Variants in PTPRR observed in about 807,000 individuals in gnomAD.
The protein encoded by PTPRR is receptor-type tyrosine-protein phosphatase R.
PTPRR carries 38 observed loss-of-function variants against 77.2 expected under a neutral mutation model. The ratio of observed to expected loss-of-function variants is 0.49; its 90% confidence interval spans 0.38 to 0.65. PTPRR has a LOEUF of 0.65. PTPRR is among the 30% of genes least tolerant of loss of function. The pLI is 0.00. For missense variants in PTPRR, 744 were observed against 799.2 expected, an observed-to-expected ratio of 0.93 and a Z score of 0.83; for synonymous variants, 299 against 283.1, an observed-to-expected ratio of 1.06 and a Z score of -0.57.
intron 8 of PTPRR, among the ~76,000 whole-genome samples, chr12:70,686,337 T>C (rs1374582073): frequency 6.6e-6 from 1 of 152,196 alleles, no homozygotes; most frequent in Admixed American, 6.5e-5. Flanking sequence ...TAACAGGACT[T>C]GGCAAGCCAA....
chr12:70,707,675 T>C (rs903727883), intron 6 of PTPRR, among the ~76,000 whole-genome samples: 1 of 152,102 alleles, frequency 6.6e-6, no homozygotes, highest in Non-Finnish European at 1.5e-5. Context: ...CAAAATCTCT[T>C]GAGTTTGGAG....
chr12:70,891,222 T>G (rs1454151751), intron 2 of PTPRR, among the ~76,000 whole-genome samples: 1 of 152,078 alleles, frequency 6.6e-6, no homozygotes, highest in Non-Finnish European at 1.5e-5. Context: ...CATTGGTGCC[T>G]TTTATTGTCC....
chr12:70,898,305 A>T (rs1328690107), intron 1 of PTPRR, among the ~76,000 whole-genome samples: 1 of 150,682 alleles, frequency 6.6e-6, no homozygotes, highest in Non-Finnish European at 1.5e-5. Flanking sequence ...TCTAATTCAA[A>T]GTGATACTTC....
intron 5 of PTPRR, among the ~76,000 whole-genome samples, chr12:70,750,291 C>T (rs1179675154): frequency 6.6e-6 from 1 of 152,114 alleles, no homozygotes; most frequent in Non-Finnish European, 1.5e-5. Context: ...AAAACCCATG[C>T]TTTTCATTTC....
chr12:70,665,011 G>A (rs1886934795), intron 10 of PTPRR, among the ~76,000 whole-genome samples: 1 of 152,120 alleles, frequency 6.6e-6, no homozygotes, highest in Non-Finnish European at 1.5e-5. Context: ...TTATTGTGGT[G>A]CTAACAATGA....
chr12:70,689,751 A>G (rs143196932), intron 8 of PTPRR, among the ~76,000 whole-genome samples: 1 of 152,152 alleles, frequency 6.6e-6, no homozygotes, highest in South Asian at 2.1e-4. Flanking sequence ...CTTGCCAAGC[A>G]TGCTCCGTGC....
intron 2 of PTPRR, among the ~76,000 whole-genome samples, chr12:70,877,572 C>G (rs1006553725): frequency 3.9e-5 from 6 of 152,112 alleles, no homozygotes; most frequent in African/African-American, 1.4e-4. Flanking sequence ...GAAGGAACTA[C>G]AAACCACTGC....
intron 13 of PTPRR, among the ~76,000 whole-genome samples, chr12:70,643,631 G>C (rs912441685): frequency 2.0e-5 from 3 of 152,154 alleles, no homozygotes; most frequent in Non-Finnish European, 4.4e-5. Context: ...ATCCTCAGGA[G>C]AGCTCTGACT....
chr12:70,650,410 A>G (rs1002892693), intron 13 of PTPRR, among the ~76,000 whole-genome samples: 1 of 151,974 alleles, frequency 6.6e-6, no homozygotes, highest in African/African-American at 2.4e-5. Flanking sequence ...CTGGGTGACA[A>G]GAAAGAAATT....
At chr12:70,890,828 C>T (rs1425684423) in intron 2 of PTPRR, among the ~76,000 whole-genome samples, 5 of 152,112 alleles carry the variant, frequency 3.3e-5, no homozygotes, top group Non-Finnish European at 5.9e-5. Flanking sequence ...GAATATATCC[C>T]TTGCTTCCTG....
chr12:70,757,568 C>T (rs1316534183), intron 4 of PTPRR, among the ~76,000 whole-genome samples: 1 of 151,934 alleles, frequency 6.6e-6, no homozygotes, highest in Admixed American at 6.6e-5. Context: ...AATGACTAAA[C>T]AAGAACAGTT....
chr12:70,873,238 A>T (rs1892991947), intron 2 of PTPRR, among the ~76,000 whole-genome samples: 1 of 152,094 alleles, frequency 6.6e-6, no homozygotes, highest in Non-Finnish European at 1.5e-5. Context: ...AGTGGAGCAA[A>T]ATGATCAGGC....
At chr12:70,892,622 A>G in intron 2 of PTPRR, 57 bp downstream of exon 2, 6 of 1,579,812 alleles carry the variant, frequency 3.8e-6, no homozygotes, top group Non-Finnish European at 5.2e-6. Context: ...TTTTTCAAGC[A>G]TCAATGACAG....
At chr12:70,788,789 T>C (rs1891373206) in intron 2 of PTPRR, 1 of 1,421,204 alleles carries the variant, frequency 7.0e-7, no homozygotes, top group African/African-American at 1.4e-5. Context: ...CCGAGGACCC[T>C]CTGCCTATCA....
chr12:70,891,989 T>A (rs538651845), intron 2 of PTPRR, among the ~76,000 whole-genome samples: 1 of 152,164 alleles, frequency 6.6e-6, no homozygotes, highest in South Asian at 2.1e-4. Context: ...GTGACTGTAG[T>A]TCAAATAGGG....
intron 2 of PTPRR, among the ~76,000 whole-genome samples, chr12:70,826,196 A>G (rs2458440): frequency 0.31 from 47,322 of 152,108 alleles, 10,823 homozygotes; most frequent in African/African-American, 0.65. Flanking sequence ...ATCCTAGATT[A>G]TTACTGAGAA....
chr12:70,852,226 G>T (rs776855331), intron 2 of PTPRR, among the ~76,000 whole-genome samples: 3 of 151,956 alleles, frequency 2.0e-5, no homozygotes, highest in African/African-American at 2.4e-5. Flanking sequence ...AGATGTAAAG[G>T]GTTGGAAAAA....
chr12:70,683,008 T>G, intron 10 of PTPRR, among the ~76,000 whole-genome samples: 1 of 152,206 alleles, frequency 6.6e-6, no homozygotes, highest in East Asian at 1.9e-4. Context: ...AATATGCTAT[T>G]TTTCCAGAAT....
chr12:70,793,594 C>T (rs1423208569), intron 2 of PTPRR, among the ~76,000 whole-genome samples: 2 of 152,092 alleles, frequency 1.3e-5, no homozygotes, highest in African/African-American at 4.8e-5. Flanking sequence ...AGAAAGTTAG[C>T]CAAAGCATTA....
Sources: allele counts gnomAD v4.1 joint callset (sites outside exome capture counted in the v4.1 genomes callset), GRCh38; gene constraint gnomAD v4.1.1; transcripts MANE v1.5; gene names NCBI Gene and HGNC (gene_info 2026-07-23, HGNC 2026-07-21).